Variants in NFIA observed in about 807,000 individuals in gnomAD.
NFIA encodes nuclear factor I A, also known as nuclear factor 1 A-type.
A neutral mutation model predicts 62.8 loss-of-function variants in NFIA; 8 were observed. The observed-to-expected ratio is 0.13, with a 90% CI of 0.07 to 0.23. NFIA has a LOEUF of 0.23. Among genes scored for constraint, NFIA ranks in the 10% least tolerant of loss-of-function variants. The probability of loss-of-function intolerance (pLI) is 1.00; values close to 1 mark genes in which losing one functional copy is unlikely to be tolerated. For missense variants in NFIA, 410 were observed against 642.1 expected (o/e 0.64, Z 3.91); for synonymous variants, 235 against 238.1 (o/e 0.99, Z 0.12).
intron 1 of NFIA, among the ~76,000 whole-genome samples, chr1:61,083,359 C>A (rs978667672): frequency 3.5e-4 from 54 of 152,130 alleles, no homozygotes; most frequent in African/African-American, 1.3e-3. Context: ...CCGCTCCCCG[C>A]AGCCTGCGCT....
At chr1:61,199,486 A>G (rs1384592075) in intron 2 of NFIA, among the ~76,000 whole-genome samples, 3 of 152,162 alleles carry the variant, frequency 2.0e-5, no homozygotes. Flanking sequence ...CTTATGTAGC[A>G]TTTCCAATCT....
intron 7 of NFIA, among the ~76,000 whole-genome samples, chr1:61,392,697 T>TA: frequency 6.6e-6 from 1 of 152,256 alleles, no homozygotes; most frequent in Middle Eastern, 3.2e-3. Context: ...AAGAGAGCTC[T>TA]TCCGTAGTGG....
chr1:61,439,054 G>A (rs570277564), intron 10 of NFIA, among the ~76,000 whole-genome samples: 27 of 148,374 alleles, frequency 1.8e-4, no homozygotes, highest in South Asian at 1.1e-3. Flanking sequence ...CTACATATGC[G>A]TCCATCTAGT....
chr1:61,426,155 CAT>C (rs1666856375), intron 9 of NFIA, among the ~76,000 whole-genome samples: 1 of 152,154 alleles, frequency 6.6e-6, no homozygotes, highest in African/African-American at 2.4e-5. Context: ...CTCCAGAGCT[CAT>C]GTTTAACTCA....
At chr1:61,216,607 CAT>C (rs1324687624) in intron 2 of NFIA, among the ~76,000 whole-genome samples, 7 of 152,164 alleles carry the variant, frequency 4.6e-5, no homozygotes, top group Non-Finnish European at 7.3e-5. Flanking sequence ...CTCTGAGACA[CAT>C]GTTTGAAATA....
intron 2 of NFIA, among the ~76,000 whole-genome samples, chr1:61,206,999 AG>A (rs976853384): frequency 2.0e-5 from 3 of 152,190 alleles, no homozygotes; most frequent in African/African-American, 4.8e-5. Flanking sequence ...AATGGGAGTT[AG>A]GGGACAGATA....
chr1:61,431,326 T>G (rs1256298212), intron 10 of NFIA, among the ~76,000 whole-genome samples: 1 of 152,244 alleles, frequency 6.6e-6, no homozygotes, highest in African/African-American at 2.4e-5. Flanking sequence ...TGATACAGGT[T>G]CTAGTTTAAT....
intron 4 of NFIA, among the ~76,000 whole-genome samples, chr1:61,333,703 A>G (rs910255639): frequency 6.6e-6 from 1 of 152,202 alleles, no homozygotes; most frequent in Non-Finnish European, 1.5e-5. Context: ...ATTTATCCAA[A>G]GTCAAACAGT....
chr1:61,117,677 G>A (rs922669739), intron 2 of NFIA, among the ~76,000 whole-genome samples: 7 of 152,028 alleles, frequency 4.6e-5, no homozygotes, highest in African/African-American at 1.7e-4. Context: ...ACTAATAATC[G>A]TTGCTTGATA....
chr1:61,184,964 T>C (rs1651054657), intron 2 of NFIA, among the ~76,000 whole-genome samples: 1 of 152,232 alleles, frequency 6.6e-6, no homozygotes, highest in Non-Finnish European at 1.5e-5. Flanking sequence ...GAAAGTTCCA[T>C]CTCTGTGTCT....
chr1:61,081,945 T>C, upstream of NFIA: 2 of 1,550,460 alleles, frequency 1.3e-6, no homozygotes, highest in Non-Finnish European at 1.7e-6. Flanking sequence ...TTTGCATACA[T>C]GCAAATGTGC....
chr1:61,090,749 T>C (rs1646305996), intron 2 of NFIA, among the ~76,000 whole-genome samples: 1 of 152,214 alleles, frequency 6.6e-6, no homozygotes, highest in South Asian at 2.1e-4. Flanking sequence ...TCCCTTGTTA[T>C]GCCTGAATGC....
At position 61,298,266 on chromosome 1, in the gene NFIA, T is replaced by C. The variant is rs1217212158; in HGVS notation, c.625+20681T>C. On this transcript the variant is annotated intron_variant, in intron 3 of 10. Coordinates refer to ENST00000403491, the MANE Select transcript of NFIA (RefSeq NM_001134673.4). ...CTCTCTTGCCTGCCACCGTGTAAGA[T>C]GTGTCTGCTTCCCCTTCAACCAGGA... is the stretch of plus-strand genomic sequence containing the variant. 3.3e-5 allele frequency among the ~76,000 whole-genome samples: 5 copies of C among 152,302 alleles called. No homozygotes were observed. In the East Asian group the frequency reaches 9.6e-4, roughly 29 times the overall value.
chr1:61,240,701 T>C (rs894133396), intron 2 of NFIA, among the ~76,000 whole-genome samples: 6 of 152,138 alleles, frequency 3.9e-5, no homozygotes, highest in South Asian at 2.1e-4. Flanking sequence ...TATCACCCAC[T>C]GTCATTTTGG....
chr1:61,453,483 A>G (rs1668161917), intron 10 of NFIA, among the ~76,000 whole-genome samples: 1 of 123,042 alleles, frequency 8.1e-6, no homozygotes, highest in African/African-American at 3.1e-5. Flanking sequence ...GCTTTTTAAG[A>G]GAAGTGCAGA....
intron 3 of NFIA, among the ~76,000 whole-genome samples, chr1:61,281,814 C>A (rs1016238296): frequency 6.6e-6 from 1 of 152,050 alleles, no homozygotes; most frequent in Non-Finnish European, 1.5e-5. Flanking sequence ...ATGACAAATT[C>A]CTTTTAAAAA....
rs199709775 is a variant in NFIA at position 61,406,547 on chromosome 1, C to A, written c.1255-15C>A. The A allele has an allele frequency of 6.1e-5, 49 of 799,872 alleles. 2 individuals carry two copies. The highest frequency in any genetic ancestry group is 9.7e-5 in the Admixed American group (3 of 31,012). 49.5% of individuals were successfully genotyped at this position (799,872 alleles called of 1,614,324 possible). The stretch of plus-strand genomic sequence containing the variant: ...TTTCTTGTACGTGTGTTTTCTGCCC[C>A]CCCCCCCCCCACAGCCCAATGGGAG... On this transcript the variant is annotated splice_polypyrimidine_tract_variant and intron_variant, in intron 8 of 10. Transcript: ENST00000403491.
intron 2 of NFIA, among the ~76,000 whole-genome samples, chr1:61,219,723 A>AAAAAAAAG (rs1487149998): frequency 5.8e-5 from 8 of 137,614 alleles, no homozygotes; most frequent in African/African-American, 1.4e-4. Flanking sequence ...CAAAAAAAAA[A>AAAAAAAAG]AAAGAAAAAA....
chr1:61,431,144 G>A (rs1424799371), intron 10 of NFIA, among the ~76,000 whole-genome samples: 2 of 152,130 alleles, frequency 1.3e-5, no homozygotes, highest in Non-Finnish European at 2.9e-5. Context: ...GTTTCAAATA[G>A]CAGAAAGCCA....
Sources: allele counts gnomAD v4.1 joint callset (sites outside exome capture counted in the v4.1 genomes callset), GRCh38; gene constraint gnomAD v4.1.1; transcripts MANE v1.5; gene names NCBI Gene and HGNC (gene_info 2026-07-23, HGNC 2026-07-21).